FBXL17: variants seen among roughly 807,000 people sequenced by gnomAD.
FBXL17 encodes the protein F-box and leucine rich repeat protein 17.
A neutral mutation model predicts 66.2 loss-of-function variants in FBXL17; 22 were observed. The observed-to-expected ratio is 0.33, with a 90% CI of 0.24 to 0.47. The LOEUF (loss-of-function observed/expected upper bound fraction) is 0.47, where lower values mean the gene tolerates loss of function less well. FBXL17 is among the 20% of genes least tolerant of loss of function. The pLI is 1.00. For missense variants in FBXL17, 878 were observed against 948.2 expected (o/e 0.93, Z 0.97); for synonymous variants, 474 against 400.5 (o/e 1.18, Z -2.19).
At chr5:108,143,143 A>T (rs1034381361) in intron 6 of FBXL17, among the ~76,000 whole-genome samples, 3 of 152,028 alleles carry the variant, frequency 2.0e-5, no homozygotes, top group Non-Finnish European at 4.4e-5. Context: ...CCCGACCCCG[A>T]GTCCACGGAA....
intron 8 of FBXL17, chr5:107,879,218 G>A: frequency 1.0e-6 from 1 of 985,424 alleles, no homozygotes; most frequent in African/African-American, 1.7e-5. Context: ...CAATTTCTGA[G>A]AATGGCTGCG....
At chr5:108,336,197 T>TA (rs1278880631) in intron 4 of FBXL17, among the ~76,000 whole-genome samples, 2 of 152,136 alleles carry the variant, frequency 1.3e-5, no homozygotes, top group Admixed American at 6.5e-5. Context: ...GAGTATTTTT[T>TA]AAAAAACACT....
At chr5:107,893,210 A>T (rs1288423064) in intron 7 of FBXL17, among the ~76,000 whole-genome samples, 1 of 152,156 alleles carries the variant, frequency 6.6e-6, no homozygotes, top group Non-Finnish European at 1.5e-5. Context: ...GAGAGAAAAC[A>T]GTTGAGGTGC....
intron 4 of FBXL17, among the ~76,000 whole-genome samples, chr5:108,247,117 T>C (rs1167793824): frequency 1.3e-5 from 2 of 152,200 alleles, no homozygotes; most frequent in African/African-American, 2.4e-5. Context: ...GTAGTGATGG[T>C]GGGATAATGT....
At chr5:108,126,684 T>TATATATATATATATATATATATCTAC (rs1313924066) in intron 6 of FBXL17, among the ~76,000 whole-genome samples, 1 of 135,546 alleles carries the variant, frequency 7.4e-6, no homozygotes, top group South Asian at 2.5e-4. Flanking sequence ...TATATATATA[T>TATATATATATATATATATATATCTAC]ACACACATAC....
intron 7 of FBXL17, among the ~76,000 whole-genome samples, chr5:107,993,053 G>A (rs957017005): frequency 6.6e-6 from 1 of 152,074 alleles, no homozygotes; most frequent in Non-Finnish European, 1.5e-5. Context: ...CCGCCACCAC[G>A]CCTGGCTAAT....
chr5:107,894,564 CA>C (rs1749311205), intron 7 of FBXL17, among the ~76,000 whole-genome samples: 1 of 152,064 alleles, frequency 6.6e-6, no homozygotes. Context: ...GCATGTGTTC[CA>C]AACCTGACTA....
rs535410409 is a variant in FBXL17, at chr5:108,121,469, A to T, written c.1745+64648T>A. The stretch of plus-strand genomic sequence containing the variant: ...GCAAGGAGGAAAATCTTTCTAAGTT[A>T]TACAGAATGAGTCCATGCATATTTT... On this transcript the variant is annotated intron_variant, in intron 6 of 8. Transcript: ENST00000542267. 3.0e-4 allele frequency among the ~76,000 whole-genome samples: 46 copies of T among 152,376 alleles called. No homozygotes were observed. In the South Asian group the frequency reaches 8.9e-3, roughly 29 times the overall value.
chr5:108,096,722 T>C (rs919979463), intron 6 of FBXL17, among the ~76,000 whole-genome samples: 2 of 152,052 alleles, frequency 1.3e-5, no homozygotes, highest in Non-Finnish European at 2.9e-5. Context: ...CCAGTGAGTA[T>C]GGAAGGAAAA....
intron 5 of FBXL17, among the ~76,000 whole-genome samples, chr5:108,218,469 C>T (rs1754707211): frequency 6.6e-6 from 1 of 152,056 alleles, no homozygotes; most frequent in Non-Finnish European, 1.5e-5. Flanking sequence ...GCTCATATGG[C>T]AGTTTTATTT....
chr5:108,335,766 A>G (rs1580840223), intron 4 of FBXL17, among the ~76,000 whole-genome samples: 1 of 152,340 alleles, frequency 6.6e-6, no homozygotes, highest in East Asian at 1.9e-4. Context: ...ACTGTAATCT[A>G]AAAACATGAT....
At chr5:108,356,602 A>G (rs1220180367) in intron 3 of FBXL17, among the ~76,000 whole-genome samples, 2 of 152,150 alleles carry the variant, frequency 1.3e-5, no homozygotes, top group East Asian at 3.8e-4. Context: ...TCCAACTGGA[A>G]TCATAAACAT....
chr5:107,906,548 T>A (rs1471586796), intron 7 of FBXL17, among the ~76,000 whole-genome samples: 1 of 152,162 alleles, frequency 6.6e-6, no homozygotes. Flanking sequence ...ACATTTCAGA[T>A]GATTGAGCAA....
At chr5:108,061,877 T>C (rs950507512) in intron 6 of FBXL17, among the ~76,000 whole-genome samples, 1 of 141,826 alleles carries the variant, frequency 7.1e-6, no homozygotes, top group Non-Finnish European at 1.6e-5. Flanking sequence ...TTTTTGTACT[T>C]AAAAAAAAAA....
intron 6 of FBXL17, among the ~76,000 whole-genome samples, chr5:108,162,159 T>TCTA (rs985468857): frequency 1.3e-4 from 20 of 152,168 alleles, no homozygotes; most frequent in Non-Finnish European, 1.2e-4. Context: ...ATCCAAATGT[T>TCTA]CTACTCACTG....
intron 5 of FBXL17, among the ~76,000 whole-genome samples, chr5:108,218,828 C>T (rs913779885): frequency 6.6e-6 from 1 of 152,110 alleles, no homozygotes. Context: ...TGGATAGTAG[C>T]TCCTTATCAG....
intron 1 of FBXL17, among the ~76,000 whole-genome samples, chr5:108,379,644 G>A (rs1457059773): frequency 1.3e-5 from 2 of 152,114 alleles, no homozygotes; most frequent in Non-Finnish European, 2.9e-5. Flanking sequence ...TCTTATCAAG[G>A]TTATTTATGG....
chr5:107,860,033 T>C lies in FBXL17; in HGVS notation c.*1687A>G, dbSNP rs1188045576. 6.6e-6 allele frequency: 1 copy of C among 152,178 alleles called. No individual in the cohort carries two copies. Among genetic ancestry groups the C allele is most frequent in the African/African-American group, 2.4e-5 (1 of 41,454 alleles). The allele number at this position is 152,178 out of a possible 1,614,324, so 9.4% of individuals were successfully genotyped here. A position where few individuals can be genotyped will look rare whatever the true frequency, so the allele number is the denominator to read the frequency against. ...CATTTAGTTATGGGAAGAATACTCA[T>C]GGCGCTTACTGACTAGATTTTCCTA... On this transcript the variant is annotated 3_prime_UTR_variant, in exon 9 of 9. Transcript: ENST00000542267.
chr5:108,187,846 G>A (rs968426688), intron 5 of FBXL17, among the ~76,000 whole-genome samples: 2 of 152,166 alleles, frequency 1.3e-5, no homozygotes, highest in Admixed American at 6.6e-5. Flanking sequence ...AACTGGTACT[G>A]TTTTAAGTTG....
Sources: gnomAD v4.1 joint callset for allele counts (sites outside exome capture counted in the v4.1 genomes callset) on GRCh38, gnomAD v4.1.1 for gene constraint, MANE v1.5 for transcripts, NCBI Gene and HGNC (gene_info 2026-07-23, HGNC 2026-07-21) for gene names.